The following RNF44 variants were observed in gnomAD, a reference collection of about 807,000 sequenced individuals.
RNF44 encodes the protein ring finger protein 44.
Under a neutral mutation model 53.6 loss-of-function variants are expected in RNF44, and 25 were observed. The ratio of observed to expected loss-of-function variants is 0.47; its 90% CI spans 0.34 to 0.65. The LOEUF (loss-of-function observed/expected upper bound fraction) is 0.65, where lower values mean the gene tolerates loss of function less well. RNF44 is among the 30% of genes least tolerant of loss of function. RNF44 has a pLI of 0.01. For synonymous variants in RNF44, 282 were observed against 252.2 expected (o/e 1.12, Z -1.12); for missense variants, 581 against 595.5 (o/e 0.98, Z 0.25).
chr5:176,532,759 A>AAAAAG (rs1554138164), intron 1 of RNF44, among the ~76,000 whole-genome samples: 1 of 148,480 alleles, frequency 6.7e-6, no homozygotes, highest in Non-Finnish European at 1.5e-5. Context: ...AAAAAAAAAA[A>AAAAAG]AAAAAAAGAA....
chr5:176,529,863 G>C (rs1756396442), intron 7 of RNF44, 45 bp from the exon 8 acceptor site: 1 of 1,515,022 alleles, frequency 6.6e-7, no homozygotes, highest in African/African-American at 1.4e-5. Context: ...GGTCAGGAGT[G>C]GGGCACACAG....
rs1404692774 is a variant in RNF44 at position 176,528,928 on chromosome 5, G to A, written c.*100C>T. Reference sequence around the variant, plus strand: ...CTCTGGAAATGCAGGCAGGAGCGAAGGGGCAGGCCTGGGCCACTCCCTCCC... The same window carrying A: ...CTCTGGAAATGCAGGCAGGAGCGAAAGGGCAGGCCTGGGCCACTCCCTCCC... On this transcript the variant is annotated 3_prime_UTR_variant, in exon 11 of 11. Coordinates refer to ENST00000274811, the MANE Select transcript of RNF44 (RefSeq NM_014901.5). The A allele has an allele frequency of 1.8e-6, 2 of 1,140,928 alleles. No individual in the cohort carries two copies. The highest frequency in any genetic ancestry group is 2.5e-6 in the Non-Finnish European group (2 of 798,290). 70.7% of individuals were successfully genotyped at this position (1,140,928 alleles called of 1,614,324 possible).
At position 176,528,895 on chromosome 5, in the gene RNF44, G is replaced by A; in HGVS notation, c.*133C>T. On this transcript the variant is annotated 3_prime_UTR_variant, in exon 11 of 11. Coordinates refer to ENST00000274811, the MANE Select transcript of RNF44 (RefSeq NM_014901.5). Reference sequence around the variant, plus strand: ...AGGGACTCCTCGCTGGGCTGACCCTGGCACCAGCTCTGGAAATGCAGGCAG... The same window carrying A: ...AGGGACTCCTCGCTGGGCTGACCCTAGCACCAGCTCTGGAAATGCAGGCAG... 2 of 808,892 alleles carry A rather than the reference G, an allele frequency of 2.5e-6. No homozygotes were observed. Among genetic ancestry groups the A allele is most frequent in the East Asian group, 2.7e-5 (1 of 37,324 alleles). 50.1% of individuals were successfully genotyped at this position (808,892 alleles called of 1,614,324 possible).
At chr5:176,529,938 A>T in intron 7 of RNF44, 120 bp from the exon 8 acceptor site, 1 of 1,384,252 alleles carries the variant, frequency 7.2e-7, no homozygotes, top group East Asian at 2.4e-5. Flanking sequence ...AAGGGAGCCC[A>T]GCTGGCGTGC....
Position 176,531,806 on chromosome 5 carries a change from C to A in RNF44, c.298-176G>T. ...TCCCAGGCCCCCGGGGCAGAGAAAG[C>A]CCCGTGGGAATCTAGCTCTGCTAGT... On this transcript the variant is annotated intron_variant, in intron 3 of 10. Coordinates refer to ENST00000274811, the MANE Select transcript of RNF44 (RefSeq NM_014901.5). The surrounding 1 kb of genome is among the most constrained non-coding windows in gnomAD (Gnocchi z 4.2). 1.2e-6 allele frequency: 1 copy of A among 864,292 alleles called. No individual in the cohort carries two copies. The allele number at this position is 864,292 out of a possible 1,614,324, so 53.5% of individuals were successfully genotyped here.
At chr5:176,538,282 T>C (rs1757354390), upstream of RNF44, among the ~76,000 whole-genome samples, 1 of 152,206 alleles carries the variant, frequency 6.6e-6, no homozygotes, top group African/African-American at 2.4e-5. Flanking sequence ...TCAGCAGCTA[T>C]GAGACGGAGG....
At position 176,532,362 on chromosome 5, in the gene RNF44, C is replaced by G; in HGVS notation, c.107+4G>C. 1 of 1,605,762 alleles carries G rather than the reference C, an allele frequency of 6.2e-7. No individual in the cohort carries two copies. Among genetic ancestry groups the G allele is most frequent in the Non-Finnish European group, 8.5e-7 (1 of 1,177,248 alleles). On this transcript the variant is annotated splice_donor_region_variant and intron_variant, in intron 2 of 10. Coordinates refer to ENST00000274811, the MANE Select transcript of RNF44 (RefSeq NM_014901.5). ...AGCACCAGGACTGGGAGGCTCCTTC[C>G]TACCTTCCCCAGAGCTGGCCCGGGG...
upstream of RNF44, among the ~76,000 whole-genome samples, chr5:176,540,719 G>A (rs942669465): frequency 3.3e-5 from 5 of 152,188 alleles, no homozygotes; most frequent in African/African-American, 9.7e-5. Flanking sequence ...CCAGGAAACC[G>A]CTGCCCTGTC....
chr5:176,532,400 C>T lies in RNF44; in HGVS notation c.73G>A (p.Gly25Arg), dbSNP rs770970163. Residue 25 changes from glycine (G) to arginine (R), a missense_variant, in exon 2 of 11, where the codon GGA becomes AGA. By Grantham distance (125) the Gly-to-Arg change is moderately radical. Transcript: ENST00000274811. ...APVGQRRFSA[G>R]PGSTPGQLWG... is the part of the protein sequence containing the mutation. The stretch of plus-strand genomic sequence containing the variant: ...AGCTGGCCCGGGGTGCTGCCAGGTC[C>T]CGCAGAGAATCGCCGCTGGCCCACG... The T allele has an allele frequency of 5.6e-6, 9 of 1,610,098 alleles. No individual in the cohort carries two copies. In the South Asian group the frequency reaches 6.6e-5, roughly 12 times the overall value.
At chr5:176,542,158 C>T (rs1757462596), upstream of RNF44, among the ~76,000 whole-genome samples, 1 of 152,204 alleles carries the variant, frequency 6.6e-6, no homozygotes, top group Non-Finnish European at 1.5e-5. Context: ...CTCTCCTTCT[C>T]AATCTCTCGT....
upstream of RNF44, chr5:176,537,440 G>C (rs1238961603): frequency 1.3e-5 from 2 of 152,224 alleles, no homozygotes; most frequent in African/African-American, 4.8e-5. Flanking sequence ...TCCGCCCTGA[G>C]AGCCAATCAC....
At chr5:176,533,373 T>G (rs1756877145) in intron 1 of RNF44, among the ~76,000 whole-genome samples, 1 of 152,134 alleles carries the variant, frequency 6.6e-6, no homozygotes, top group African/African-American at 2.4e-5. Flanking sequence ...TTTCAAGGAA[T>G]GTATAGCTGG....
rs770192114 is a variant in RNF44, at chr5:176,529,436, G to A, written c.1137-49C>T. 6.9e-6 allele frequency: 11 copies of A among 1,604,352 alleles called. No homozygotes were observed. In the Admixed American group the frequency reaches 1.5e-4, roughly 22 times the overall value. ...CCTCCACGCTGAGGGCCATGGGAAG[G>A]CTCAGTGGAGTGTGACTCCCCTGAG... is the stretch of plus-strand genomic sequence containing the variant. On this transcript the variant is annotated intron_variant, in intron 9 of 10. Coordinates refer to ENST00000274811, the MANE Select transcript of RNF44 (RefSeq NM_014901.5).
intron 6 of RNF44, 30 bp downstream of exon 6, chr5:176,530,552 A>T: frequency 7.1e-7 from 1 of 1,401,272 alleles, no homozygotes; most frequent in Non-Finnish European, 9.3e-7. Flanking sequence ...GCTGCCCTGG[A>T]GCCCAGGTGG....
At chr5:176,532,763 A>AAAAAAAAAG (rs1358353368) in intron 1 of RNF44, among the ~76,000 whole-genome samples, 18 of 141,908 alleles carry the variant, frequency 1.3e-4, no homozygotes, top group African/African-American at 3.7e-4. Flanking sequence ...AAAAAAAAAA[A>AAAAAAAAAG]AAAGAAAGAA....
Position 176,531,723 on chromosome 5 carries a change from G to T in RNF44, c.298-93C>A. ...AATCATCCTGCCACATCCAGCTGCC[G>T]GCTCCCTTCCCTTCTCCACGGCGGC... On this transcript the variant is annotated intron_variant, in intron 3 of 10. Transcript: ENST00000274811. The surrounding 1 kb of genome is among the most constrained non-coding windows in gnomAD (Gnocchi z 4.2). 7.5e-7 allele frequency: 1 copy of T among 1,332,246 alleles called. No individual in the cohort carries two copies. Among genetic ancestry groups the T allele is most frequent in the South Asian group, 1.4e-5 (1 of 70,194 alleles). 82.5% of individuals were successfully genotyped at this position (1,332,246 alleles called of 1,614,324 possible).
At position 176,530,386 on chromosome 5, in the gene RNF44, GCCT is replaced by G. The variant is rs1430114258; in HGVS notation, c.802-183_802-181del. On this transcript the variant is annotated intron_variant, in intron 6 of 10. Coordinates refer to ENST00000274811, the MANE Select transcript of RNF44 (RefSeq NM_014901.5). Reference sequence around the variant, plus strand: ...GCCCACGTGCAAGTCAGCCCGGTGGGCCTGCCTCCCAGCCGCCCCGGAGCCCAG... The same window carrying G: ...GCCCACGTGCAAGTCAGCCCGGTGGGGCCTCCCAGCCGCCCCGGAGCCCAG... Among the ~76,000 whole-genome samples, 998 of 109,530 alleles carry G rather than the reference GCCT, an allele frequency of 9.1e-3. 119 individuals are homozygous for G. Among genetic ancestry groups the G allele is most frequent in the Middle Eastern group, 0.035 (8 of 226 alleles). The allele number at this position is 109,530 out of a possible 152,430, so 71.9% of individuals were successfully genotyped here.
At chr5:176,540,593 T>C (rs2113223342), upstream of RNF44, among the ~76,000 whole-genome samples, 1 of 152,198 alleles carries the variant, frequency 6.6e-6, no homozygotes, top group East Asian at 1.9e-4. Flanking sequence ...ACCATCTCCA[T>C]GTGACTGCTG....
In RNF44 at chr5:176,531,137, T is replaced by C; in HGVS notation, c.466-116A>G. On this transcript the variant is annotated intron_variant, in intron 4 of 10. Transcript: ENST00000274811. The surrounding 1 kb of genome is among the most constrained non-coding windows in gnomAD (Gnocchi z 4.2). ...GCACACACCCAGCAGCTCCAGGGTCTGTATAAGAAACCCTGTGGAAGGCCC... is the reference window on the plus strand; with the variant it reads ...GCACACACCCAGCAGCTCCAGGGTCCGTATAAGAAACCCTGTGGAAGGCCC... The C allele has an allele frequency of 1.3e-6, 1 of 752,632 alleles. No homozygotes were observed. The highest frequency in any genetic ancestry group is 2.0e-6 in the Non-Finnish European group (1 of 501,818). The allele number at this position is 752,632 out of a possible 1,614,324, so 46.6% of individuals were successfully genotyped here. A position where few individuals can be genotyped will look rare whatever the true frequency, so the allele number is the denominator to read the frequency against.
Sources: allele counts gnomAD v4.1 joint callset (sites outside exome capture counted in the v4.1 genomes callset), GRCh38; gene constraint gnomAD v4.1.1; non-coding constraint Gnocchi (gnomAD v3.1); transcripts MANE v1.5; gene names NCBI Gene and HGNC (gene_info 2026-07-23, HGNC 2026-07-21).